Variants in ZFHX4 observed in about 807,000 individuals in gnomAD.
ZFHX4 encodes the protein zinc finger homeobox protein 4.
Under a neutral mutation model 267.6 loss-of-function variants are expected in ZFHX4, and 56 were observed. That is an observed-to-expected ratio of 0.21 (90% CI 0.17 to 0.26). ZFHX4 has a LOEUF of 0.26. Ranked by LOEUF, ZFHX4 falls within the 10% of genes least tolerant of loss-of-function variation. ZFHX4 has a pLI of 1.00. For missense variants in ZFHX4, 4,332 were observed against 4,420.0 expected (o/e 0.98, Z 0.56); for synonymous variants, 1,778 against 1,665.6 (o/e 1.07, Z -1.64).
intron 6 of ZFHX4, among the ~76,000 whole-genome samples, chr8:76,844,387 G>T (rs1039065902): frequency 6.6e-6 from 1 of 152,016 alleles, no homozygotes; most frequent in Non-Finnish European, 1.5e-5. Flanking sequence ...ATGTAATCCC[G>T]AGGTATATGA....
chr8:76,757,548 C>T (rs1260694289), intron 3 of ZFHX4, among the ~76,000 whole-genome samples: 1 of 152,120 alleles, frequency 6.6e-6, no homozygotes, highest in African/African-American at 2.4e-5. Context: ...TTTGACTTGC[C>T]CATGGGCATG....
chr8:76,718,009 A>G (rs1808623394), intron 3 of ZFHX4, among the ~76,000 whole-genome samples: 1 of 152,226 alleles, frequency 6.6e-6, no homozygotes, highest in Admixed American at 6.5e-5. Flanking sequence ...CTTAGGGTCT[A>G]AAATCATTCA....
At position 76,706,224 on chromosome 8, in the gene ZFHX4, C is replaced by G; in HGVS notation, c.2136C>G (p.Gly712=). Residue 712 remains glycine, a synonymous_variant, in exon 2 of 11, where the codon GGC becomes GGG. Transcript: ENST00000651372. The part of the protein sequence containing the change: ...EVCNYSTTTK[G]NLSIHMQSDK... ...GTAACTACTCTACCACTACCAAAGG[C>G]AACCTCAGTATTCATATGCAGTCGG... The G allele has an allele frequency of 6.2e-7, 1 of 1,614,074 alleles. No individual in the cohort carries two copies. The highest frequency in any genetic ancestry group is 1.3e-5 in the African/African-American group (1 of 75,008).
Position 76,854,333 on chromosome 8 carries a change from C to G in ZFHX4, c.7412C>G (p.Pro2471Arg). 1 of 1,613,864 alleles carries G rather than the reference C, an allele frequency of 6.2e-7. No individual in the cohort carries two copies. Among genetic ancestry groups the G allele is most frequent in the South Asian group, 1.1e-5 (1 of 91,084 alleles). The stretch of plus-strand genomic sequence containing the variant: ...CCCTCGGCCTCTCAAACACCGGTCC[C>G]TTCCAGTCCACTGCAAATTTCCATG... ...RPPSASQTPV[P>R]SSPLQISMTS... The change falls in exon 10 of 11, where the codon CCT becomes CGT. Residue 2471 changes from proline (P) to arginine (R), a missense_variant. Around this residue, in one of 7 missense-constraint regions of ZFHX4, gnomAD observed 1,648 missense variants for 1,625.0 expected, o/e 1.01. Transcript: ENST00000651372.
At chr8:76,702,616 T>C (rs1267747490) in intron 1 of ZFHX4, among the ~76,000 whole-genome samples, 1 of 152,180 alleles carries the variant, frequency 6.6e-6, no homozygotes, top group East Asian at 1.9e-4. Flanking sequence ...CAGGCTGAGA[T>C]AGTACATATT....
At chr8:76,834,232 A>G (rs145901721) in intron 5 of ZFHX4, 4 of 370,670 alleles carry the variant, frequency 1.1e-5, no homozygotes, top group South Asian at 6.3e-5. Context: ...TAAATTTTCA[A>G]CTCCCTTTGA....
chr8:76,843,942 G>A (rs1812300886), intron 6 of ZFHX4, among the ~76,000 whole-genome samples: 1 of 152,104 alleles, frequency 6.6e-6, no homozygotes, highest in Admixed American at 6.6e-5. Context: ...CAGGAGGCCA[G>A]TGAGAAAAGC....
At chr8:76,712,196 T>C (rs1808442860) in intron 3 of ZFHX4, among the ~76,000 whole-genome samples, 2 of 152,172 alleles carry the variant, frequency 1.3e-5, no homozygotes, top group South Asian at 4.1e-4. Flanking sequence ...CCTAGGTAAC[T>C]TTTAGTGTAA....
chr8:76,827,363 T>C (rs1811813088), intron 4 of ZFHX4, among the ~76,000 whole-genome samples: 1 of 152,158 alleles, frequency 6.6e-6, no homozygotes, highest in Admixed American at 6.5e-5. Flanking sequence ...TCCTGCAGCA[T>C]GGCCCGTTCC....
rs201498304 is a variant in ZFHX4, at chr8:76,854,182, C to T, written c.7261C>T (p.Pro2421Ser). ...EKPKQSDPSP[P>S]SQGTKPALPL... ...GCCAAAGCAGAGTGACCCCTCTCCC[C>T]CTTCTCAAGGCACCAAACCAGCCCT... The change falls in exon 10 of 11, where the codon CCT becomes TCT. Residue 2421 changes from proline to serine, a missense_variant. Pro to Ser is a moderately conservative substitution (Grantham distance 74). Coordinates refer to ENST00000651372, the MANE Select transcript of ZFHX4 (RefSeq NM_024721.5). 4.7e-5 allele frequency: 74 copies of T among 1,578,332 alleles called. No individual in the cohort carries two copies. Among genetic ancestry groups the T allele is most frequent in the East Asian group, 1.7e-4 (7 of 42,238 alleles).
At chr8:76,784,890 C>T (rs890406328) in intron 4 of ZFHX4, among the ~76,000 whole-genome samples, 5 of 151,964 alleles carry the variant, frequency 3.3e-5, no homozygotes, top group African/African-American at 1.2e-4. Context: ...TCTAATTAGG[C>T]TATGCATTAC....
chr8:76,778,553 C>A, intron 4 of ZFHX4, 114 bp downstream of exon 4: 1 of 872,666 alleles, frequency 1.1e-6, no homozygotes, highest in Non-Finnish European at 1.8e-6. Flanking sequence ...CGAGCCTGTC[C>A]CCCAGTGTAA....
At chr8:76,699,060 G>C (rs1044199677) in intron 1 of ZFHX4, among the ~76,000 whole-genome samples, 5 of 152,134 alleles carry the variant, frequency 3.3e-5, no homozygotes, top group African/African-American at 1.2e-4. Context: ...GGTTCACTCC[G>C]AATCAGCTGT....
At position 76,685,928 on chromosome 8, in the gene ZFHX4, T is replaced by A. The variant is rs1807681560; in HGVS notation, c.-47+4308T>A. ...TTTACATTTTGTTTCTAGCACTTAG[T>A]AGGTGCAACGTTTCTTTTTATCCTC... is the stretch of plus-strand genomic sequence containing the variant. On this transcript the variant is annotated intron_variant, in intron 1 of 10. Transcript: ENST00000651372. Among the ~76,000 whole-genome samples the A allele has an allele frequency of 2.0e-5, 3 of 152,212 alleles. No individual in the cohort carries two copies. In the South Asian group the frequency reaches 6.2e-4, roughly 32 times the overall value.
chr8:76,858,764 A>G (rs144567184), intron 10 of ZFHX4, among the ~76,000 whole-genome samples: 102 of 152,340 alleles, frequency 6.7e-4, no homozygotes, highest in African/African-American at 2.3e-3. Flanking sequence ...CAGTTAAGGC[A>G]AAATCAAAAG....
chr8:76,825,222 A>T (rs1477356161), intron 4 of ZFHX4, among the ~76,000 whole-genome samples: 1 of 152,212 alleles, frequency 6.6e-6, no homozygotes, highest in Non-Finnish European at 1.5e-5. Context: ...AAGTACAACT[A>T]CTACTTATTC....
intron 4 of ZFHX4, among the ~76,000 whole-genome samples, chr8:76,829,511 G>A (rs752475395): frequency 2.5e-4 from 38 of 152,030 alleles, no homozygotes; most frequent in African/African-American, 7.0e-4. Flanking sequence ...CATTCTTAAC[G>A]ATTAAAAGGA....
intron 6 of ZFHX4, among the ~76,000 whole-genome samples, chr8:76,848,008 C>T (rs1337420831): frequency 6.6e-6 from 1 of 152,072 alleles, no homozygotes; most frequent in Non-Finnish European, 1.5e-5. Context: ...TGTCCTCACC[C>T]TGGAAATAAT....
In ZFHX4 at chr8:76,864,536, A is replaced by T; in HGVS notation, c.10822A>T (p.Ser3608Cys). The T allele has an allele frequency of 6.2e-7, 1 of 1,611,098 alleles. No homozygotes were observed. Among genetic ancestry groups the T allele is most frequent in the African/African-American group, 1.3e-5 (1 of 74,956 alleles). The change falls in exon 11 of 11, where the codon AGC (serine) becomes TGC (cysteine). Residue 3608 changes from serine (S) to cysteine (C), a missense_variant. Physicochemically the swap from Ser to Cys is moderately radical, Grantham distance 112. This residue lies in a region of ZFHX4 where 1,648 missense variants were observed against 1,625.0 expected (regional missense o/e 1.01). Coordinates refer to ENST00000651372, the MANE Select transcript of ZFHX4 (RefSeq NM_024721.5). ...TTCTGGCCTAGATGGTAATTTCAAT[A>T]GCATCCGAATGGATATGTTCAGTGT... is the stretch of plus-strand genomic sequence containing the variant. ...PASGLDGNFN[S>C]IRMDMFSV
Sources: gnomAD v4.1 joint callset for allele counts (sites outside exome capture counted in the v4.1 genomes callset) on GRCh38, gnomAD v4.1.1 for gene constraint, gnomAD v4.1.1 regional missense constraint, MANE v1.5 for transcripts, NCBI Gene and HGNC (gene_info 2026-07-23, HGNC 2026-07-21) for gene names.